The following THSD7B variants were observed in gnomAD, a reference collection of about 807,000 sequenced individuals.
The protein encoded by THSD7B is thrombospondin type-1 domain-containing protein 7B.
In THSD7B, 138 loss-of-function variants were observed where a neutral mutation model predicts 213.6. The ratio of observed to expected loss-of-function variants is 0.65; its 90% CI spans 0.56 to 0.74. The LOEUF is 0.74. Ranked by LOEUF, THSD7B falls within the 30% of genes least tolerant of loss-of-function variation. The pLI is 0.00. For missense variants in THSD7B, 1,931 were observed against 1,991.5 expected, an observed-to-expected ratio of 0.97 and a Z score of 0.58; for synonymous variants, 742 against 687.0, an observed-to-expected ratio of 1.08 and a Z score of -1.25.
chr2:137,613,534 T>G lies in THSD7B; in HGVS notation c.3424-2641T>G, dbSNP rs185228681. Among the ~76,000 whole-genome samples the G allele has an allele frequency of 2.6e-3, 394 of 152,330 alleles. 1 individual carries two copies. The highest frequency in any genetic ancestry group is 4.2e-3 in the Non-Finnish European group (289 of 68,012). On this transcript the variant is annotated intron_variant, in intron 17 of 27. Coordinates refer to ENST00000409968, the MANE Select transcript of THSD7B (RefSeq NM_001316349.2). ...GTAAGTCATGAAGGGGTTTCTGTAC[T>G]AGACACTAACTGGTTCTAACTGGAT...
At chr2:137,511,584 A>G (rs1005399648) in intron 15 of THSD7B, among the ~76,000 whole-genome samples, 2 of 152,192 alleles carry the variant, frequency 1.3e-5, no homozygotes, top group South Asian at 4.1e-4. Context: ...GTTCCCTTGT[A>G]GAGTTTCAGG....
intron 1 of THSD7B, among the ~76,000 whole-genome samples, chr2:136,853,050 G>T (rs4407299): frequency 6.6e-6 from 1 of 151,830 alleles, no homozygotes; most frequent in African/African-American, 2.4e-5. Context: ...GTGTGTGTGT[G>T]CATGTGCATG....
chr2:137,534,762 A>G (rs1004654984), intron 15 of THSD7B, among the ~76,000 whole-genome samples: 9 of 151,806 alleles, frequency 5.9e-5, no homozygotes, highest in Non-Finnish European at 1.0e-4. Context: ...AAAGAAGCTG[A>G]AAAGCATATT....
At chr2:137,290,989 C>A (rs1363080729) in intron 12 of THSD7B, among the ~76,000 whole-genome samples, 1 of 152,142 alleles carries the variant, frequency 6.6e-6, no homozygotes, top group Non-Finnish European at 1.5e-5. Flanking sequence ...AGTCACTCAC[C>A]TGATTATCTC....
chr2:137,042,991 G>A (rs1360125494), intron 2 of THSD7B, among the ~76,000 whole-genome samples: 2 of 152,194 alleles, frequency 1.3e-5, no homozygotes, highest in Non-Finnish European at 2.9e-5. Flanking sequence ...AGCTTGGAAA[G>A]GGTAATGAGG....
intron 7 of THSD7B, among the ~76,000 whole-genome samples, chr2:137,209,478 A>T (rs935553534): frequency 2.6e-5 from 4 of 152,062 alleles, no homozygotes; most frequent in Non-Finnish European, 5.9e-5. Context: ...TGAAACACAG[A>T]TCACACAATT....
intron 16 of THSD7B, among the ~76,000 whole-genome samples, chr2:137,571,510 C>G (rs1416443839): frequency 6.6e-6 from 1 of 152,062 alleles, no homozygotes; most frequent in Non-Finnish European, 1.5e-5. Context: ...CATTGCCAAC[C>G]AGTTTTCAAA....
chr2:137,618,383 T>C lies in THSD7B; in HGVS notation c.3566-9T>C. On this transcript the variant is annotated splice_polypyrimidine_tract_variant and intron_variant, in intron 18 of 27. Transcript: ENST00000409968. ...TTGAAACTCAGTGTGGGTGATCCTA[T>C]GCCTGTAGAGTGGAGCACATGCCAG... is the stretch of plus-strand genomic sequence containing the variant. 1 of 1,613,048 alleles carries C rather than the reference T, an allele frequency of 6.2e-7. No homozygotes were observed. Among genetic ancestry groups the C allele is most frequent in the Non-Finnish European group, 8.5e-7 (1 of 1,179,306 alleles).
chr2:137,578,149 G>A (rs1573720620), intron 17 of THSD7B, among the ~76,000 whole-genome samples: 1 of 152,198 alleles, frequency 6.6e-6, no homozygotes, highest in East Asian at 1.9e-4. Flanking sequence ...GGCACTTTCT[G>A]AATGGTGATG....
At chr2:137,078,300 G>T (rs1396237961) in intron 3 of THSD7B, among the ~76,000 whole-genome samples, 2 of 152,084 alleles carry the variant, frequency 1.3e-5, no homozygotes, top group Admixed American at 1.3e-4. Flanking sequence ...GATTGACTTG[G>T]CAATGTGGAC....
At chr2:137,363,512 G>T (rs1685323500) in intron 12 of THSD7B, among the ~76,000 whole-genome samples, 1 of 151,446 alleles carries the variant, frequency 6.6e-6, no homozygotes, top group African/African-American at 2.4e-5. Flanking sequence ...AAGAAGAAAA[G>T]AGAGAAGAAT....
rs1687168666 is a variant in THSD7B, at chr2:137,056,666, C to T, written c.386C>T (p.Ala129Val). ...CGCGGTGAAGTCAAGCCTCGGACTGCAGAGTGTGTGACGGCTCAGCATGGA... is the reference window on the plus strand; with the variant it reads ...CGCGGTGAAGTCAAGCCTCGGACTGTAGAGTGTGTGACGGCTCAGCATGGA... ...YARGEVKPRT[A>V]ECVTAQHGLQ... is the part of the protein sequence containing the mutation. Residue 129 changes from alanine (A) to valine (V), a missense_variant, in exon 3 of 28, where the codon GCA (alanine) becomes GTA (valine). Physicochemically the swap from Ala to Val is moderately conservative, Grantham distance 64 (BLOSUM62 0). Transcript: ENST00000409968. 6.2e-7 allele frequency: 1 copy of T among 1,613,856 alleles called. No homozygotes were observed. The highest frequency in any genetic ancestry group is 1.3e-5 in the African/African-American group (1 of 74,914).
intron 12 of THSD7B, among the ~76,000 whole-genome samples, chr2:137,312,472 A>G (rs374383731): frequency 2.7e-5 from 4 of 148,452 alleles, no homozygotes; most frequent in Non-Finnish European, 4.5e-5. Flanking sequence ...TGGATTCGTT[A>G]ATTTTTTGAA....
At chr2:137,569,711 C>T (rs1054223929) in intron 16 of THSD7B, among the ~76,000 whole-genome samples, 2 of 152,064 alleles carry the variant, frequency 1.3e-5, no homozygotes, top group African/African-American at 4.8e-5. Context: ...TAAGGAGTTA[C>T]CAGGAGCCCG....
At chr2:137,564,095 T>C (rs1681181105) in intron 16 of THSD7B, among the ~76,000 whole-genome samples, 1 of 152,164 alleles carries the variant, frequency 6.6e-6, no homozygotes, top group Non-Finnish European at 1.5e-5. Context: ...GTATGTAAAA[T>C]AAATAAGAAG....
chr2:137,163,481 A>G (rs6737431), intron 6 of THSD7B, among the ~76,000 whole-genome samples: 106,410 of 152,096 alleles, frequency 0.7, 38,143 homozygotes, highest in African/African-American at 0.77. Context: ...ACACAGAAGA[A>G]GAGAGGCCAC....
intron 18 of THSD7B, among the ~76,000 whole-genome samples, chr2:137,617,747 A>G (rs1359742472): frequency 6.6e-6 from 1 of 152,128 alleles, no homozygotes; most frequent in Non-Finnish European, 1.5e-5. Context: ...TGGAGGCTGG[A>G]AGTCCAAAAT....
intron 17 of THSD7B, among the ~76,000 whole-genome samples, chr2:137,614,123 G>A (rs991302796): frequency 1.3e-5 from 2 of 152,094 alleles, no homozygotes; most frequent in East Asian, 1.9e-4. Context: ...TGCAGTGTTG[G>A]TTTTCTTTAT....
intron 2 of THSD7B, among the ~76,000 whole-genome samples, chr2:136,988,470 C>A (rs1279683654): frequency 6.6e-6 from 1 of 152,198 alleles, no homozygotes; most frequent in African/African-American, 2.4e-5. Flanking sequence ...ATTGCTGAAT[C>A]TTTTCTCCAA....
Sources: allele counts gnomAD v4.1 joint callset (sites outside exome capture counted in the v4.1 genomes callset), GRCh38; gene constraint gnomAD v4.1.1; transcripts MANE v1.5; gene names NCBI Gene and HGNC (gene_info 2026-07-23, HGNC 2026-07-21).